Variants in PPFIBP1 observed in about 807,000 individuals in gnomAD.
PPFIBP1 encodes liprin-beta-1.
A neutral mutation model predicts 137.8 loss-of-function variants in PPFIBP1; 112 were observed. That is an observed-to-expected ratio of 0.81 (90% CI 0.70 to 0.95). The LOEUF is 0.95. Among genes scored for constraint, PPFIBP1 ranks in the 40% least tolerant of loss-of-function variants. PPFIBP1 has a pLI of 0.00. For synonymous variants in PPFIBP1, 378 were observed against 417.3 expected, an observed-to-expected ratio of 0.91 and a Z score of 1.15; for missense variants, 1,083 against 1,196.6, an observed-to-expected ratio of 0.91 and a Z score of 1.40.
At chr12:27,532,122 A>T (rs1944487069) in intron 1 of PPFIBP1, among the ~76,000 whole-genome samples, 1 of 152,194 alleles carries the variant, frequency 6.6e-6, no homozygotes, top group Non-Finnish European at 1.5e-5. Context: ...TGTTGTTACT[A>T]TTTCATTAAG....
intron 1 of PPFIBP1, among the ~76,000 whole-genome samples, chr12:27,571,696 A>G (rs1191984312): frequency 1.3e-5 from 2 of 152,194 alleles, no homozygotes; most frequent in African/African-American, 4.8e-5. Flanking sequence ...ATAAAGTGTT[A>G]TATACCAGTG....
intron 2 of PPFIBP1, among the ~76,000 whole-genome samples, chr12:27,624,172 T>A (rs779730456): frequency 6.6e-6 from 1 of 152,110 alleles, no homozygotes; most frequent in Non-Finnish European, 1.5e-5. Context: ...TGCAGTATGG[T>A]GGGAGGCCGG....
chr12:27,529,066 T>C (rs1296332607), intron 1 of PPFIBP1, among the ~76,000 whole-genome samples: 1 of 152,200 alleles, frequency 6.6e-6, no homozygotes, highest in Non-Finnish European at 1.5e-5. Flanking sequence ...ACAATGTCCA[T>C]GCCTGAAGGA....
chr12:27,667,722 A>G (rs1196633290), intron 13 of PPFIBP1, among the ~76,000 whole-genome samples: 1 of 152,192 alleles, frequency 6.6e-6, no homozygotes, highest in Non-Finnish European at 1.5e-5. Context: ...TCTACTTGGC[A>G]TCAGCTGGAG....
At chr12:27,667,007 C>T (rs2059898258) in intron 12 of PPFIBP1, among the ~76,000 whole-genome samples, 159 bp from the exon 13 acceptor site, 2 of 842 alleles carry the variant, frequency 2.4e-3, no homozygotes, top group Non-Finnish European at 6.1e-3. Context: ...TTCCTAGGTC[C>T]TATGTTGTTT....
At chr12:27,626,574 T>G (rs2056834913) in intron 2 of PPFIBP1, among the ~76,000 whole-genome samples, 1 of 144,550 alleles carries the variant, frequency 6.9e-6, no homozygotes, top group African/African-American at 2.6e-5. Flanking sequence ...TTTGCATTTC[T>G]TTTTTTTTTT....
intron 1 of PPFIBP1, among the ~76,000 whole-genome samples, chr12:27,558,262 TTTTTG>T (rs58268682): frequency 5.3e-4 from 78 of 148,278 alleles, no homozygotes; most frequent in South Asian, 1.7e-3. Flanking sequence ...CTGGGTTTTT[TTTTTG>T]TTTTGTTTTG....
chr12:27,600,973 A>G (rs1190126865), intron 2 of PPFIBP1, among the ~76,000 whole-genome samples: 1 of 152,150 alleles, frequency 6.6e-6, no homozygotes, highest in East Asian at 1.9e-4. Context: ...TGTGGTGAGA[A>G]CTTTTAAAAT....
Position 27,689,001 on chromosome 12 carries a change from T to TC in PPFIBP1, c.2497-14_2497-13insC. 6.3e-7 allele frequency: 1 copy of TC among 1,591,174 alleles called. No homozygotes were observed. Among genetic ancestry groups the TC allele is most frequent in the Non-Finnish European group, 8.5e-7 (1 of 1,174,242 alleles). ...GGTGACTTTTGACAAGCTTTTTTTTTTTTCTTTAAACAGGTTCTAGAGCCT... is the reference window on the plus strand; with the variant it reads ...GGTGACTTTTGACAAGCTTTTTTTTTCTTTCTTTAAACAGGTTCTAGAGCCT... On this transcript the variant is annotated splice_polypyrimidine_tract_variant and intron_variant, in intron 26 of 29. Coordinates refer to ENST00000228425, the MANE Select transcript of PPFIBP1 (RefSeq NM_003622.4).
chr12:27,654,558 T>G (rs2059079711), intron 7 of PPFIBP1, 164 bp from the exon 8 acceptor site: 1 of 848,808 alleles, frequency 1.2e-6, no homozygotes, highest in Admixed American at 3.9e-5. Context: ...GAAAGATGCC[T>G]TCGTTCTTAA....
At chr12:27,628,898 CT>C (rs1417191770) in intron 2 of PPFIBP1, among the ~76,000 whole-genome samples, 1 of 152,138 alleles carries the variant, frequency 6.6e-6, no homozygotes, top group African/African-American at 2.4e-5. Context: ...TCTTAATTGT[CT>C]GGATAATTCT....
chr12:27,541,746 C>A (rs1945691513), intron 1 of PPFIBP1, among the ~76,000 whole-genome samples: 1 of 152,218 alleles, frequency 6.6e-6, no homozygotes, highest in African/African-American at 2.4e-5. Context: ...AGATGCTTCT[C>A]ACCTCAACCT....
intron 2 of PPFIBP1, among the ~76,000 whole-genome samples, chr12:27,618,474 T>C (rs1405013294): frequency 1.3e-5 from 2 of 152,244 alleles, no homozygotes; most frequent in African/African-American, 2.4e-5. Flanking sequence ...AACCTTGGTC[T>C]CCACAACCCC....
Position 27,688,384 on chromosome 12 carries a change from G to A in PPFIBP1, c.2457G>A (p.Ala819=), listed in dbSNP as rs746681298. 1.1e-5 allele frequency: 18 copies of A among 1,613,970 alleles called. No homozygotes were observed. Among genetic ancestry groups the A allele is most frequent in the Middle Eastern group, 1.6e-4 (1 of 6,082 alleles). The change falls in exon 26 of 30, where the codon GCG becomes GCA. Residue 819 remains alanine (A), a synonymous_variant. Transcript: ENST00000228425. Reference sequence around the variant, plus strand: ...GCTCCGTGGACTTGGCAGAATATGCGCCCAATCTCAGAGGCAGTGGTGTCC... The same window carrying A: ...GCTCCGTGGACTTGGCAGAATATGCACCCAATCTCAGAGGCAGTGGTGTCC... ...WLRSVDLAEY[A]PNLRGSGVHG...
chr12:27,541,843 C>A (rs1392362564), intron 1 of PPFIBP1, among the ~76,000 whole-genome samples: 1 of 152,138 alleles, frequency 6.6e-6, no homozygotes. Flanking sequence ...GAGCTTCCGA[C>A]TCCAGGGCTG....
At chr12:27,558,429 C>T (rs1041794279) in intron 1 of PPFIBP1, among the ~76,000 whole-genome samples, 2 of 151,206 alleles carry the variant, frequency 1.3e-5, no homozygotes, top group African/African-American at 2.4e-5. Context: ...GGATGCAGTA[C>T]AGAAAATCAA....
Position 27,679,977 on chromosome 12 carries a change from C to G in PPFIBP1, c.1811C>G (p.Ser604Cys). ...QSTTFNPDDM[S>C]EPEFKRGGTR... ...ACTACATTCAACCCAGATGACATGT[C>G]TGAGCCTGAATTCAAAAGAGGAGGG... The change falls in exon 21 of 30, where the codon TCT (serine) becomes TGT (cysteine). Residue 604 changes from serine to cysteine, a missense_variant. Ser to Cys is a moderately radical substitution (Grantham distance 112, BLOSUM62 -1). Coordinates refer to ENST00000228425, the MANE Select transcript of PPFIBP1 (RefSeq NM_003622.4). The G allele has an allele frequency of 1.2e-6, 2 of 1,614,084 alleles. No homozygotes were observed. The highest frequency in any genetic ancestry group is 2.2e-5 in the South Asian group (2 of 91,082).
intron 1 of PPFIBP1, among the ~76,000 whole-genome samples, chr12:27,556,850 C>CT (rs958379364): frequency 9.2e-5 from 14 of 151,870 alleles, no homozygotes; most frequent in African/African-American, 3.4e-4. Context: ...TAGGCCTGTA[C>CT]TTTTAAGGGG....
At chr12:27,547,299 C>T (rs1007069904) in intron 1 of PPFIBP1, 2 of 152,142 alleles carry the variant, frequency 1.3e-5, no homozygotes, top group Non-Finnish European at 2.9e-5. Context: ...TTGCTGTATT[C>T]CTGTGCATTA....
Sources: allele counts gnomAD v4.1 joint callset (sites outside exome capture counted in the v4.1 genomes callset), GRCh38; gene constraint gnomAD v4.1.1; transcripts MANE v1.5; gene names NCBI Gene and HGNC (gene_info 2026-07-23, HGNC 2026-07-21).